TBCD: variants seen among roughly 807,000 people sequenced by gnomAD.
The protein encoded by TBCD is tubulin folding cofactor D.
TBCD carries 105 observed loss-of-function variants against 169.3 expected under a neutral mutation model. The observed-to-expected ratio is 0.62, with a 90% confidence interval of 0.53 to 0.73. The LOEUF is 0.73. Ranked by LOEUF, TBCD falls within the 30% of genes least tolerant of loss-of-function variation. TBCD has a pLI of 0.00. For missense variants in TBCD, 1,444 were observed against 1,600.1 expected (o/e 0.90, Z 1.66); for synonymous variants, 700 against 643.9 (o/e 1.09, Z -1.32).
chr17:82,883,507 G>A (rs1452414161), intron 14 of TBCD, among the ~76,000 whole-genome samples: 4 of 152,270 alleles, frequency 2.6e-5, no homozygotes, highest in Non-Finnish European at 4.4e-5. Context: ...TGCTCTGAGT[G>A]TGGCTCGCAT....
In TBCD at chr17:82,870,232, G is replaced by A. The variant is rs541763206; in HGVS notation, c.1327G>A (p.Val443Met). 63 of 1,613,050 alleles carry A rather than the reference G, an allele frequency of 3.9e-5. No individual in the cohort carries two copies. In the South Asian group the frequency reaches 6.0e-4, roughly 15 times the overall value. The change falls in exon 14 of 39, where the codon GTG becomes ATG. Residue 443 changes from valine to methionine, a missense_variant. Val to Met is a conservative substitution (Grantham distance 21). Transcript: ENST00000355528. ...LPSRLVDVVA[V>M]ILKALTYDEK... The stretch of plus-strand genomic sequence containing the variant: ...CTCTTGTCCTTGCCCAGTTGTCGCC[G>A]TGATCCTGAAGGCGCTGACCTACGA...
At chr17:82,883,108 TC>T (rs2058481784) in intron 14 of TBCD, among the ~76,000 whole-genome samples, 1 of 152,192 alleles carries the variant, frequency 6.6e-6, no homozygotes, top group South Asian at 2.1e-4. Flanking sequence ...GTCACCATTG[TC>T]CCCCGTGCAT....
rs913038982 is a variant in TBCD at position 82,835,767 on chromosome 17, A to G, written c.1318+20833A>G. 1.2e-4 allele frequency among the ~76,000 whole-genome samples: 19 copies of G among 152,108 alleles called. No homozygotes were observed. Among genetic ancestry groups the G allele is most frequent in the African/African-American group, 4.3e-4 (18 of 41,412 alleles). ...TAAAAACACAACCACCCTTCCCCCTACAAACTGCCTCTATTAACATACTTT... is the reference window on the plus strand; with the variant it reads ...TAAAAACACAACCACCCTTCCCCCTGCAAACTGCCTCTATTAACATACTTT... On this transcript the variant is annotated intron_variant, in intron 13 of 38. Transcript: ENST00000355528. This position sits in a 1 kb window ranked among gnomAD's most constrained non-coding sequence, Gnocchi z 4.5.
chr17:82,883,884 T>A (rs976812212), intron 14 of TBCD, among the ~76,000 whole-genome samples: 4 of 152,354 alleles, frequency 2.6e-5, no homozygotes, highest in African/African-American at 9.6e-5. Context: ...TCTTTGATCC[T>A]GTGCCCTCGG....
chr17:82,905,986 C>T lies in TBCD; in HGVS notation c.1855C>T (p.His619Tyr). 1 of 1,613,284 alleles carries T rather than the reference C, an allele frequency of 6.2e-7. No homozygotes were observed. Among genetic ancestry groups the T allele is most frequent in the Non-Finnish European group, 8.5e-7 (1 of 1,179,580 alleles). The change falls in exon 20 of 39, where the codon CAT (histidine) becomes TAT (tyrosine). Residue 619 changes from histidine to tyrosine, a missense_variant. His to Tyr is a moderately conservative substitution (Grantham distance 83). Transcript: ENST00000355528. The part of the protein sequence containing the change: ...MTLSPDLHMR[H>Y]GSILACAEVA... Reference sequence around the variant, plus strand: ...ACTGAGTCCAGATCTTCACATGAGGCATGGGTCGATTCTCGCCTGCGCAGA... The same window carrying T: ...ACTGAGTCCAGATCTTCACATGAGGTATGGGTCGATTCTCGCCTGCGCAGA...
At chr17:82,912,277 C>G (rs1012821694) in intron 23 of TBCD, among the ~76,000 whole-genome samples, 1 of 152,216 alleles carries the variant, frequency 6.6e-6, no homozygotes, top group Admixed American at 6.5e-5. Context: ...CTTACACACC[C>G]GAGTCCAGGC....
At position 82,831,344 on chromosome 17, in the gene TBCD, T is replaced by C; in HGVS notation, c.1318+16410T>C. Reference sequence around the variant, plus strand: ...CTTTCGAACTCGACGTGTTTTCTGTTGGGGTCCGAAGGGTTTAACCTGGAA... The same window carrying C: ...CTTTCGAACTCGACGTGTTTTCTGTCGGGGTCCGAAGGGTTTAACCTGGAA... On this transcript the variant is annotated intron_variant, in intron 13 of 38. Coordinates refer to ENST00000355528, the MANE Select transcript of TBCD (RefSeq NM_005993.5). The surrounding 1 kb of genome is among the most constrained non-coding windows in gnomAD (Gnocchi z 4.6). 1 of 1,614,050 alleles carries C rather than the reference T, an allele frequency of 6.2e-7. No homozygotes were observed. The highest frequency in any genetic ancestry group is 8.5e-7 in the Non-Finnish European group (1 of 1,180,010).
At chr17:82,905,459 G>A (rs186005807) in intron 19 of TBCD, among the ~76,000 whole-genome samples, 2 of 152,250 alleles carry the variant, frequency 1.3e-5, no homozygotes, top group Non-Finnish European at 1.5e-5. Flanking sequence ...GGGCGGGTGC[G>A]TGTGGGCGTC....
At chr17:82,904,327 A>G (rs2060089435) in intron 19 of TBCD, among the ~76,000 whole-genome samples, 1 of 151,022 alleles carries the variant, frequency 6.6e-6, no homozygotes, top group Non-Finnish European at 1.5e-5. Context: ...TGCACCTGCC[A>G]CACGACACTC....
At chr17:82,755,648 G>T (rs911307340) in intron 1 of TBCD, among the ~76,000 whole-genome samples, 1 of 152,158 alleles carries the variant, frequency 6.6e-6, no homozygotes. Context: ...TTAATATCAT[G>T]AGGCCTGAAC....
chr17:82,818,680 C>T (rs2145011131), intron 13 of TBCD, among the ~76,000 whole-genome samples: 1 of 152,370 alleles, frequency 6.6e-6, no homozygotes, highest in Admixed American at 6.5e-5. Context: ...CATGCTCAGC[C>T]CTTCGGCCTC....
At chr17:82,919,859 G>A (rs1170385536) in intron 23 of TBCD, among the ~76,000 whole-genome samples, 10 of 152,178 alleles carry the variant, frequency 6.6e-5, no homozygotes, top group East Asian at 1.9e-4. Flanking sequence ...TCTGTAGCAC[G>A]GTCAGGCCTC....
At chr17:82,870,177 G>A in intron 13 of TBCD, 47 bp from the exon 14 acceptor site, 1 of 1,609,604 alleles carries the variant, frequency 6.2e-7, no homozygotes, top group Non-Finnish European at 8.5e-7. Flanking sequence ...CTCACGTGTT[G>A]CCCGTGTGGT....
At position 82,752,338 on chromosome 17, in the gene TBCD, G is replaced by A; in HGVS notation, c.145G>A (p.Gly49Ser). 7.0e-7 allele frequency: 1 copy of A among 1,419,388 alleles called. No homozygotes were observed. Among genetic ancestry groups the A allele is most frequent in the Non-Finnish European group, 9.1e-7 (1 of 1,099,144 alleles). The allele number at this position is 1,419,388 out of a possible 1,614,324, so 87.9% of individuals were successfully genotyped here. Reference protein sequence around the residue: ...LLGRLREVHGGGAEREVALER... With the variant: ...LLGRLREVHGSGAEREVALER... ...GGGCCGCCTGCGGGAGGTGCACGGC[G>A]GCGGCGCGGAGCGCGAGGTGGCCCT... Residue 49 changes from glycine to serine, a missense_variant, in exon 1 of 39, where the codon GGC (glycine) becomes AGC (serine). Transcript: ENST00000355528.
intron 21 of TBCD, chr17:82,908,211 C>A (rs2060380032): frequency 7.0e-6 from 3 of 426,694 alleles, no homozygotes; most frequent in Non-Finnish European, 1.4e-5. Flanking sequence ...AGCGTGCAGC[C>A]AACTCTGGGT....
chr17:82,921,623 G>A (rs769619656), intron 25 of TBCD, 46 bp downstream of exon 25: 104 of 1,574,502 alleles, frequency 6.6e-5, no homozygotes, highest in Non-Finnish European at 8.7e-5. Context: ...GGCGGTGTTA[G>A]TGTGTTAGTC....
intron 13 of TBCD, among the ~76,000 whole-genome samples, chr17:82,863,192 T>C (rs2056908031): frequency 1.3e-5 from 2 of 152,226 alleles, no homozygotes; most frequent in Non-Finnish European, 2.9e-5. Context: ...CCTGTGTCTG[T>C]CCAGGCTTAG....
At chr17:82,826,095 G>C (rs2052819331) in intron 13 of TBCD, among the ~76,000 whole-genome samples, 1 of 152,110 alleles carries the variant, frequency 6.6e-6, no homozygotes, top group African/African-American at 2.4e-5. Context: ...CTGTGCCTAA[G>C]AATCTTTATT....
chr17:82,889,069 C>A lies in TBCD; in HGVS notation c.1534-599C>A, dbSNP rs1381237422. 6.6e-6 allele frequency among the ~76,000 whole-genome samples: 1 copy of A among 152,216 alleles called. No homozygotes were observed. The highest frequency in any genetic ancestry group is 1.5e-5 in the Non-Finnish European group (1 of 68,040). ...TGTGGTTGTCACCTTGCCCAGGTAA[C>A]CTGCTCTGCCTGGTCGGTGCGCCTA... is the stretch of plus-strand genomic sequence containing the variant. On this transcript the variant is annotated intron_variant, in intron 15 of 38. Transcript: ENST00000355528. The surrounding 1 kb of genome is among the most constrained non-coding windows in gnomAD (Gnocchi z 5.3).
Sources: allele counts gnomAD v4.1 joint callset (sites outside exome capture counted in the v4.1 genomes callset), GRCh38; gene constraint gnomAD v4.1.1; non-coding constraint Gnocchi (gnomAD v3.1); transcripts MANE v1.5; gene names NCBI Gene and HGNC (gene_info 2026-07-23, HGNC 2026-07-21).